The following GRID1 variants were observed in gnomAD, a reference collection of about 807,000 sequenced individuals.
The protein encoded by GRID1 is glutamate ionotropic receptor delta type subunit 1.
GRID1 carries 28 observed loss-of-function variants against 98.0 expected under a neutral mutation model. The observed-to-expected ratio is 0.29, with a 90% confidence interval of 0.21 to 0.39. The LOEUF is 0.39. GRID1 is among the 10% of genes least tolerant of loss of function. The pLI is 1.00. For synonymous variants in GRID1, 553 were observed against 538.5 expected (o/e 1.03, Z -0.37); for missense variants, 1,111 against 1,340.5 (o/e 0.83, Z 2.67).
At chr10:85,876,960 G>A (rs1843339094) in intron 5 of GRID1, among the ~76,000 whole-genome samples, 1 of 152,228 alleles carries the variant, frequency 6.6e-6, no homozygotes, top group Non-Finnish European at 1.5e-5. Context: ...ATTATATCCT[G>A]CACCTGGCTC....
At chr10:86,194,824 G>A (rs1845850375) in intron 3 of GRID1, among the ~76,000 whole-genome samples, 1 of 151,902 alleles carries the variant, frequency 6.6e-6, no homozygotes, top group African/African-American at 2.4e-5. Flanking sequence ...TGCTTATGAA[G>A]GCCTCCCCCA....
intron 8 of GRID1, among the ~76,000 whole-genome samples, chr10:85,764,115 G>A (rs1842174613): frequency 6.6e-6 from 1 of 152,188 alleles, no homozygotes; most frequent in Admixed American, 6.5e-5. Flanking sequence ...ATGAGCCCCT[G>A]AAGTGGTGAG....
chr10:86,366,470 C>G lies in GRID1; in HGVS notation c.-78G>C, dbSNP rs965818107. 35 of 1,029,950 alleles carry G rather than the reference C, an allele frequency of 3.4e-5. No individual in the cohort carries two copies. The highest frequency in any genetic ancestry group is 4.4e-5 in the Non-Finnish European group (33 of 747,182). The allele number at this position is 1,029,950 out of a possible 1,614,324, so 63.8% of individuals were successfully genotyped here. ...GCGCGAAGCGGGGAGGCGCTGGTCC[C>G]GGTGCAGTCCCGGGCCGCTCCCCGG... On this transcript the variant is annotated 5_prime_UTR_variant, in exon 1 of 16. Transcript: ENST00000327946. This position sits in a 1 kb window ranked among gnomAD's most constrained non-coding sequence, Gnocchi z 4.1.
chr10:85,724,170 A>G (rs572004153), intron 11 of GRID1, among the ~76,000 whole-genome samples, 182 bp downstream of exon 11: 1 of 152,330 alleles, frequency 6.6e-6, no homozygotes, highest in East Asian at 1.9e-4. Flanking sequence ...TTGTTGTTTC[A>G]TTTAATTTCT....
At chr10:85,863,414 A>C (rs1311579243) in intron 6 of GRID1, among the ~76,000 whole-genome samples, 2 of 152,128 alleles carry the variant, frequency 1.3e-5, no homozygotes, top group African/African-American at 2.4e-5. Flanking sequence ...AGGTTTCGAC[A>C]TGGAAATTTT....
At position 86,064,673 on chromosome 10, in the gene GRID1, G is replaced by A. The variant is rs543058984; in HGVS notation, c.726+74146C>T. Among the ~76,000 whole-genome samples, 12 of 152,094 alleles carry A rather than the reference G, an allele frequency of 7.9e-5. No homozygotes were observed. In the South Asian group the frequency reaches 1.2e-3, roughly 16 times the overall value. On this transcript the variant is annotated intron_variant, in intron 4 of 15. Coordinates refer to ENST00000327946, the MANE Select transcript of GRID1 (RefSeq NM_017551.3). ...CTTCCCTGCTACCTCTCACCTCTCCGACAACTCCTCCTTTCCACTCCCCAG... is the reference window on the plus strand; with the variant it reads ...CTTCCCTGCTACCTCTCACCTCTCCAACAACTCCTCCTTTCCACTCCCCAG...
chr10:86,333,200 T>C (rs959044606), intron 2 of GRID1, among the ~76,000 whole-genome samples: 2 of 152,190 alleles, frequency 1.3e-5, no homozygotes, highest in African/African-American at 2.4e-5. Context: ...TAGAATGCCA[T>C]CTCCCACCAC....
At chr10:85,864,036 A>T (rs1165014285) in intron 6 of GRID1, among the ~76,000 whole-genome samples, 1 of 152,228 alleles carries the variant, frequency 6.6e-6, no homozygotes, top group Admixed American at 6.5e-5. Flanking sequence ...GCTTCTGAAG[A>T]ACCCAGCTTT....
At chr10:85,709,652 A>T (rs867000348) in intron 12 of GRID1, among the ~76,000 whole-genome samples, 15 of 152,176 alleles carry the variant, frequency 9.9e-5, no homozygotes, top group African/African-American at 3.1e-4. Context: ...TGGAGCTCAT[A>T]GTCTGGATTA....
intron 6 of GRID1, among the ~76,000 whole-genome samples, chr10:85,866,376 A>C (rs1032361388): frequency 8.6e-5 from 13 of 150,456 alleles, no homozygotes; most frequent in East Asian, 3.9e-4. Flanking sequence ...CCACCTCCAC[A>C]GTAATGATGA....
At chr10:85,950,046 A>C (rs1264604084) in intron 4 of GRID1, among the ~76,000 whole-genome samples, 1 of 152,322 alleles carries the variant, frequency 6.6e-6, no homozygotes, top group African/African-American at 2.4e-5. Context: ...TAACAGAGAG[A>C]GAGAGATACC....
intron 2 of GRID1, among the ~76,000 whole-genome samples, chr10:86,300,228 A>T (rs1044565663): frequency 9.2e-5 from 14 of 151,890 alleles, no homozygotes; most frequent in African/African-American, 3.4e-4. Flanking sequence ...GGCAAGAAAG[A>T]ATTCCTCCCA....
chr10:85,993,992 C>T (rs1004352517), intron 4 of GRID1, among the ~76,000 whole-genome samples: 2 of 152,034 alleles, frequency 1.3e-5, no homozygotes, highest in Non-Finnish European at 2.9e-5. Flanking sequence ...GAGCAGGTGC[C>T]CCTTCCACGG....
chr10:86,095,746 A>C (rs1432272859), intron 4 of GRID1, among the ~76,000 whole-genome samples: 1 of 152,218 alleles, frequency 6.6e-6, no homozygotes, highest in African/African-American at 2.4e-5. Flanking sequence ...AACAGGGAAC[A>C]CTTCCACACT....
At chr10:85,737,575 G>A (rs1841895687) in intron 8 of GRID1, among the ~76,000 whole-genome samples, 1 of 148,320 alleles carries the variant, frequency 6.7e-6, no homozygotes, top group Non-Finnish European at 1.5e-5. Flanking sequence ...ATGGAGGCAG[G>A]CAGTTCCACT....
chr10:85,892,932 T>A (rs1469179831), intron 5 of GRID1, among the ~76,000 whole-genome samples: 1 of 152,114 alleles, frequency 6.6e-6, no homozygotes, highest in Non-Finnish European at 1.5e-5. Flanking sequence ...AATTTTTGTA[T>A]CTCTGGGCAT....
chr10:85,944,027 T>C (rs1050161411), intron 4 of GRID1, among the ~76,000 whole-genome samples: 3 of 152,372 alleles, frequency 2.0e-5, no homozygotes, highest in Admixed American at 6.5e-5. Context: ...GAACAGTCTC[T>C]GTCTAGCCTG....
chr10:86,031,412 G>C (rs546527318), intron 4 of GRID1, among the ~76,000 whole-genome samples: 3 of 152,076 alleles, frequency 2.0e-5, no homozygotes, highest in African/African-American at 4.8e-5. Context: ...CTTCAAAAGG[G>C]GGGGCAGGAG....
intron 5 of GRID1, among the ~76,000 whole-genome samples, chr10:85,885,811 T>G (rs146737141): frequency 6.6e-6 from 1 of 152,322 alleles, no homozygotes; most frequent in East Asian, 1.9e-4. Flanking sequence ...AAAAGAGGAA[T>G]AAGTTACAGA....
Sources: gnomAD v4.1 joint callset for allele counts (sites outside exome capture counted in the v4.1 genomes callset) on GRCh38, gnomAD v4.1.1 for gene constraint, Gnocchi (gnomAD v3.1) non-coding constraint, MANE v1.5 for transcripts, NCBI Gene and HGNC (gene_info 2026-07-23, HGNC 2026-07-21) for gene names.